Variants in ANK1 observed in about 807,000 individuals in gnomAD.
The protein encoded by ANK1 is ankyrin-1.
ANK1 carries 51 observed loss-of-function variants against 210.4 expected under a neutral mutation model. The observed-to-expected ratio is 0.24, with a 90% confidence interval of 0.19 to 0.31. The LOEUF (loss-of-function observed/expected upper bound fraction) is 0.31. ANK1 is among the 10% of genes least tolerant of loss of function. The pLI is 1.00. For synonymous variants in ANK1, 967 were observed against 1,025.9 expected, an observed-to-expected ratio of 0.94 and a Z score of 1.10; for missense variants, 2,051 against 2,504.4, an observed-to-expected ratio of 0.82 and a Z score of 3.86.
intron 2 of ANK1, among the ~76,000 whole-genome samples, chr8:41,743,226 C>T (rs1044900204): frequency 2.6e-5 from 4 of 152,024 alleles, no homozygotes; most frequent in African/African-American, 9.7e-5. Flanking sequence ...GCCATACTTA[C>T]TCCAAATCCT....
At chr8:41,664,295 G>A (rs1182535988) in intron 39 of ANK1, 1 of 385,392 alleles carries the variant, frequency 2.6e-6, no homozygotes, top group Non-Finnish European at 5.1e-6. Flanking sequence ...AACATAGCGA[G>A]CCCCCATCTC....
rs140042352 is a variant in ANK1, at chr8:41,776,962, C to T, written c.28-18825G>A. Among the ~76,000 whole-genome samples, 239 of 152,278 alleles carry T rather than the reference C, an allele frequency of 1.6e-3. 1 individual carries two copies. The highest frequency in any genetic ancestry group is 2.8e-3 in the Non-Finnish European group (192 of 68,032). ...ACATAATACTTCACACAGGGCTCATCGTATTATTTTAATAATTGAAGGGAA... is the reference window on the plus strand; with the variant it reads ...ACATAATACTTCACACAGGGCTCATTGTATTATTTTAATAATTGAAGGGAA... On this transcript the variant is annotated intron_variant, in intron 1 of 42. Transcript: ENST00000289734.
intron 17 of ANK1, 123 bp from the exon 18 acceptor site, chr8:41,706,364 G>T: frequency 1.1e-6 from 1 of 872,550 alleles, no homozygotes; most frequent in Non-Finnish European, 1.8e-6. Context: ...TTTGGCTCCA[G>T]GCAAAGCTCT....
chr8:41,684,416 C>A, intron 37 of ANK1, 128 bp downstream of exon 37: 1 of 1,440,610 alleles, frequency 6.9e-7, no homozygotes, highest in Non-Finnish European at 9.7e-7. Flanking sequence ...GCTGACAAAC[C>A]AGACCTCCCA....
rs1441128599 is a variant in ANK1, at chr8:41,863,003, C to A, written c.126+33352G>T. Among the ~76,000 whole-genome samples, 14 of 151,934 alleles carry A rather than the reference C, an allele frequency of 9.2e-5. No homozygotes were observed. In the South Asian group the frequency reaches 2.7e-3, roughly 29 times the overall value. On this transcript the variant is annotated intron_variant, in intron 1 of 42. Transcript: ENST00000265709. ...CTCCAGCCTAGGTGACAGAGAAAGA[C>A]CCTGTCTCTAAAAATAAAAAATAAA... is the stretch of plus-strand genomic sequence containing the variant.
At chr8:41,734,193 G>A in intron 2 of ANK1, 124 bp from the exon 3 acceptor site, 8 of 885,250 alleles carry the variant, frequency 9.0e-6, no homozygotes, top group Non-Finnish European at 1.5e-5. Context: ...AAGGAGTGGA[G>A]TGTGTCTAGA....
At chr8:41,766,323 C>A (rs1174086002) in intron 1 of ANK1, among the ~76,000 whole-genome samples, 1 of 152,154 alleles carries the variant, frequency 6.6e-6, no homozygotes, top group African/African-American at 2.4e-5. Context: ...TGCCTTTACT[C>A]CCTTGACGAT....
At chr8:41,792,212 A>T (rs1847883165) in intron 1 of ANK1, among the ~76,000 whole-genome samples, 1 of 152,176 alleles carries the variant, frequency 6.6e-6, no homozygotes, top group Non-Finnish European at 1.5e-5. Context: ...AAACAATGCC[A>T]CTTCTCACTA....
At position 41,724,459 on chromosome 8, in the gene ANK1, T is replaced by C. The variant is rs374550696; in HGVS notation, c.708A>G (p.Pro236=). 4.7e-5 allele frequency: 74 copies of C among 1,578,640 alleles called. No individual in the cohort carries two copies. Among genetic ancestry groups the C allele is most frequent in the Non-Finnish European group, 6.3e-5 (73 of 1,162,084 alleles). Residue 236 remains proline, a synonymous_variant, in exon 7 of 43, where the codon CCA becomes CCG. Transcript: ENST00000289734. The part of the protein sequence containing the change: ...LNRGASVNFT[P]QNGITPLHIA... ...GGCGCACGTGCCCCAGGGTTACCTGTGGTGTGAAATTGACGCTGGCTCCTC... is the reference window on the plus strand; with the variant it reads ...GGCGCACGTGCCCCAGGGTTACCTGCGGTGTGAAATTGACGCTGGCTCCTC...
chr8:41,699,561 G>C lies in ANK1; in HGVS notation c.2462-13C>G, dbSNP rs752611104. The C allele has an allele frequency of 3.7e-6, 6 of 1,611,248 alleles. No individual in the cohort carries two copies. In the East Asian group the frequency reaches 1.3e-4, roughly 36 times the overall value. On this transcript the variant is annotated splice_polypyrimidine_tract_variant and intron_variant, in intron 22 of 42. Transcript: ENST00000289734. ...ATGAGTTCTTCCCCTGAAACAGCAAGAGCTCAAGTGAGCGACGGGGTAGAG... is the reference window on the plus strand; with the variant it reads ...ATGAGTTCTTCCCCTGAAACAGCAACAGCTCAAGTGAGCGACGGGGTAGAG...
chr8:41,718,906 T>C (rs145225196), intron 10 of ANK1, among the ~76,000 whole-genome samples: 2 of 152,356 alleles, frequency 1.3e-5, no homozygotes, highest in African/African-American at 4.8e-5. Flanking sequence ...TCAACAGTCC[T>C]GAGGCTGGGA....
chr8:41,761,078 A>G (rs896501026), intron 1 of ANK1, among the ~76,000 whole-genome samples: 11 of 152,114 alleles, frequency 7.2e-5, no homozygotes, highest in African/African-American at 2.4e-4. Context: ...CCTAAATTCA[A>G]TGACAAGTGT....
intron 1 of ANK1, among the ~76,000 whole-genome samples, chr8:41,786,254 C>A (rs990841441): frequency 6.6e-6 from 1 of 152,180 alleles, no homozygotes; most frequent in Non-Finnish European, 1.5e-5. Context: ...CAGAGGGGGG[C>A]TCCCTGTAGG....
At chr8:41,719,113 C>T (rs1828535595) in intron 10 of ANK1, among the ~76,000 whole-genome samples, 1 of 152,204 alleles carries the variant, frequency 6.6e-6, no homozygotes, top group Non-Finnish European at 1.5e-5. Flanking sequence ...AAAGCTACAG[C>T]CCTGCTGGAT....
intron 6 of ANK1, 112 bp downstream of exon 6, chr8:41,725,649 G>A (rs1315377735): frequency 6.9e-7 from 1 of 1,441,578 alleles, no homozygotes; most frequent in East Asian, 2.5e-5. Context: ...AGTGCGCACT[G>A]CCCGCCCTGC....
Position 41,668,349 on chromosome 8 carries a change from G to A in ANK1, c.5312C>T (p.Ser1771Phe), listed in dbSNP as rs1231825386. 144 of 1,614,108 alleles carry A rather than the reference G, an allele frequency of 8.9e-5. No homozygotes were observed. Among genetic ancestry groups the A allele is most frequent in the Non-Finnish European group, 1.2e-4 (142 of 1,180,056 alleles). ...TWTEQPEAES[S>F]QADRDRRQQG... ...CTGCCTCCGGTCCCTGTCGGCCTGG[G>A]AGCTCTCAGCCTCGGGCTGTTCTGT... The change falls in exon 39 of 43, where the codon TCC (serine) becomes TTC (phenylalanine). Residue 1771 changes from serine (S) to phenylalanine (F), a missense_variant. This residue lies in a region of ANK1 where 496 missense variants were observed against 533.4 expected (regional missense o/e 0.93). Coordinates refer to ENST00000289734, the MANE Select transcript of ANK1 (RefSeq NM_000037.4).
At chr8:41,747,592 A>G (rs1836507421) in intron 2 of ANK1, among the ~76,000 whole-genome samples, 2 of 152,146 alleles carry the variant, frequency 1.3e-5, no homozygotes, top group South Asian at 4.1e-4. Flanking sequence ...CCTGGTGCAT[A>G]AGGTTTGCAG....
intron 1 of ANK1, among the ~76,000 whole-genome samples, chr8:41,844,848 A>T (rs1272743055): frequency 2.6e-5 from 4 of 152,122 alleles, no homozygotes; most frequent in Non-Finnish European, 5.9e-5. Context: ...GGGGTGAGTG[A>T]GAGACAGCCA....
At chr8:41,789,786 G>A (rs1444173318) in intron 1 of ANK1, among the ~76,000 whole-genome samples, 1 of 152,176 alleles carries the variant, frequency 6.6e-6, no homozygotes, top group African/African-American at 2.4e-5. Context: ...TAGAAAGCGA[G>A]GACACTGTCA....
Sources: gnomAD v4.1 joint callset for allele counts (sites outside exome capture counted in the v4.1 genomes callset) on GRCh38, gnomAD v4.1.1 for gene constraint, gnomAD v4.1.1 regional missense constraint, MANE v1.5 for transcripts, NCBI Gene and HGNC (gene_info 2026-07-23, HGNC 2026-07-21) for gene names.